Variants in MTHFSD observed in about 807,000 individuals in gnomAD.
MTHFSD encodes methenyltetrahydrofolate synthetase domain containing.
In MTHFSD, 37 loss-of-function variants were observed where a neutral mutation model predicts 31.1. That is an observed-to-expected ratio of 1.19 (90% CI 0.91 to 1.56). The LOEUF (loss-of-function observed/expected upper bound fraction) is 1.56, where lower values mean the gene tolerates loss of function less well. Among genes scored for constraint, MTHFSD ranks in the 40% most tolerant of loss-of-function variants. The pLI, the probability that MTHFSD is intolerant of heterozygous loss-of-function variation, is 0.00. For synonymous variants in MTHFSD, 221 were observed against 206.9 expected (o/e 1.07, Z -0.59); for missense variants, 664 against 510.1 (o/e 1.30, Z -2.91).
intron 3 of MTHFSD, among the ~76,000 whole-genome samples, chr16:86,551,709 T>A (rs1973172423): frequency 6.6e-6 from 1 of 152,216 alleles, no homozygotes; most frequent in Admixed American, 6.5e-5. Context: ...CTATTTCAGC[T>A]CCAGCTCCTC....
At chr16:86,548,964 A>G (rs1221518557) in intron 3 of MTHFSD, among the ~76,000 whole-genome samples, 1 of 152,218 alleles carries the variant, frequency 6.6e-6, no homozygotes, top group Non-Finnish European at 1.5e-5. Context: ...CACAGTTACA[A>G]TAATGCTGTC....
intron 7 of MTHFSD, among the ~76,000 whole-genome samples, chr16:86,540,304 C>T (rs187217767): frequency 1.3e-5 from 2 of 152,210 alleles, no homozygotes; most frequent in African/African-American, 2.4e-5. Context: ...CGACAAACAG[C>T]GAAGCCCCCG....
Position 86,535,254 on chromosome 16 carries a change from C to G in MTHFSD, c.682-2773G>C, listed in dbSNP as rs78704013. The G allele has an allele frequency of 5.1e-3, 5,009 of 985,354 alleles. 185 individuals carry two copies. The African/African-American group carries it at 0.079, about 16-fold the overall frequency. 61.0% of individuals were successfully genotyped at this position (985,354 alleles called of 1,614,324 possible). ...GAAGTGTGTTCCACTGCAGGAAAATCGCTCTTTTCATGAGCAGTGTTTGTG... is the reference window on the plus strand; with the variant it reads ...GAAGTGTGTTCCACTGCAGGAAAATGGCTCTTTTCATGAGCAGTGTTTGTG... On this transcript the variant is annotated intron_variant, in intron 7 of 7. Transcript: ENST00000360900.
Position 86,542,301 on chromosome 16 carries a change from A to T in MTHFSD, c.443-88T>A. On this transcript the variant is annotated intron_variant, in intron 5 of 7. Transcript: ENST00000360900. The surrounding 1 kb of genome is among the most constrained non-coding windows in gnomAD (Gnocchi z 4.6). ...TCCATCAGGTCCAGTGGAAGAAGAA[A>T]CTTGAACCCAATATCCCGAGCTAAT... 8.9e-7 allele frequency: 1 copy of T among 1,120,732 alleles called. No homozygotes were observed. The highest frequency in any genetic ancestry group is 1.3e-6 in the Non-Finnish European group (1 of 779,094). 69.4% of individuals were successfully genotyped at this position (1,120,732 alleles called of 1,614,324 possible). A position where few individuals can be genotyped will look rare whatever the true frequency, so the allele number is the denominator to read the frequency against.
At chr16:86,550,182 T>C (rs1035305083) in intron 3 of MTHFSD, among the ~76,000 whole-genome samples, 3 of 152,252 alleles carry the variant, frequency 2.0e-5, no homozygotes, top group African/African-American at 7.2e-5. Context: ...TCCCAGCTGA[T>C]CCTTAAGTCC....
chr16:86,534,402 A>C (rs1446283619), intron 7 of MTHFSD, among the ~76,000 whole-genome samples: 1 of 152,170 alleles, frequency 6.6e-6, no homozygotes, highest in African/African-American at 2.4e-5. Flanking sequence ...TTCAAAACAG[A>C]TTTCTGCCGC....
In MTHFSD at chr16:86,542,969, C is replaced by T. The variant is rs1222707141; in HGVS notation, c.443-756G>A. Among the ~76,000 whole-genome samples the T allele has an allele frequency of 1.3e-5, 2 of 152,222 alleles. No homozygotes were observed. Among genetic ancestry groups the T allele is most frequent in the Non-Finnish European group, 1.5e-5 (1 of 68,036 alleles). On this transcript the variant is annotated intron_variant, in intron 5 of 7. Coordinates refer to ENST00000360900, the MANE Select transcript of MTHFSD (RefSeq NM_001159377.2). The surrounding 1 kb of genome is among the most constrained non-coding windows in gnomAD (Gnocchi z 4.6). ...TGAGGCCAGCGAGTGCCACCAGCAG[C>T]ATCACCCGCAGAGCACCCGCATCAC... is the stretch of plus-strand genomic sequence containing the variant.
chr16:86,555,148 G>C (rs1314839914), intron 1 of MTHFSD, 21 bp downstream of exon 1: 3 of 1,534,462 alleles, frequency 2.0e-6, no homozygotes, highest in African/African-American at 2.7e-5. Context: ...AGCCGCCCCG[G>C]AGCCCCGCCA....
chr16:86,553,392 C>A (rs928395191), intron 2 of MTHFSD: 1 of 152,646 alleles, frequency 6.6e-6, no homozygotes, highest in Non-Finnish European at 1.5e-5. Context: ...CTGGACTGGC[C>A]CAGGCCGGCT....
intron 7 of MTHFSD, among the ~76,000 whole-genome samples, chr16:86,538,700 G>A (rs1332160838): frequency 6.6e-6 from 1 of 152,224 alleles, no homozygotes; most frequent in African/African-American, 2.4e-5. Flanking sequence ...AAGATCAATG[G>A]AGCTGGACGA....
At chr16:86,547,623 G>T in intron 4 of MTHFSD, 1 of 906,684 alleles carries the variant, frequency 1.1e-6, no homozygotes, top group Non-Finnish European at 1.3e-6. Flanking sequence ...CCATGCTTTC[G>T]TCTCAGTTTT....
In MTHFSD at chr16:86,547,080, G is replaced by A. The variant is rs115530382; in HGVS notation, c.352-431C>T. 1.1e-3 allele frequency: 916 copies of A among 811,102 alleles called. 16 individuals are homozygous for A. In the African/African-American group the frequency reaches 0.016, roughly 14 times the overall value. 50.2% of individuals were successfully genotyped at this position (811,102 alleles called of 1,614,324 possible). On this transcript the variant is annotated intron_variant, in intron 4 of 7. Coordinates refer to ENST00000360900, the MANE Select transcript of MTHFSD (RefSeq NM_001159377.2). ...AGACAGGGACACCACCCTCTGCCTC[G>A]TCGGACCAGTGTTGGAATTAAATAA...
At chr16:86,537,085 C>T (rs909883088) in intron 7 of MTHFSD, among the ~76,000 whole-genome samples, 2 of 152,120 alleles carry the variant, frequency 1.3e-5, no homozygotes, top group South Asian at 2.1e-4. Context: ...TGCACCCGGG[C>T]GCAATGTCTA....
chr16:86,541,928 A>T (rs1181789540), intron 6 of MTHFSD, 106 bp from the exon 7 acceptor site: 1 of 1,491,448 alleles, frequency 6.7e-7, no homozygotes, highest in African/African-American at 1.4e-5. Context: ...AGCACCCCCA[A>T]ATCCACTCTG....
At chr16:86,536,363 C>T (rs767836490) in intron 7 of MTHFSD, among the ~76,000 whole-genome samples, 47 of 152,358 alleles carry the variant, frequency 3.1e-4, no homozygotes, top group Non-Finnish European at 6.3e-4. Flanking sequence ...TAAACATAAA[C>T]GCCAGGCAGG....
At chr16:86,554,958 C>T (rs1226638835) in intron 1 of MTHFSD, 28 of 1,289,758 alleles carry the variant, frequency 2.2e-5, no homozygotes, top group Non-Finnish European at 2.9e-5. Flanking sequence ...TTCTCGTTAT[C>T]TTTATTTTTC....
chr16:86,547,562 T>C, intron 4 of MTHFSD: 1 of 988,236 alleles, frequency 1.0e-6, no homozygotes, highest in Non-Finnish European at 1.2e-6. Context: ...GGGCAGGCAC[T>C]GACCAACTGC....
chr16:86,534,385 G>A (rs141323934), intron 7 of MTHFSD, among the ~76,000 whole-genome samples: 4 of 152,268 alleles, frequency 2.6e-5, no homozygotes, highest in East Asian at 3.9e-4. Context: ...TCTTTCCCAC[G>A]GCATGTTTCA....
chr16:86,541,056 A>T, intron 7 of MTHFSD: 1 of 1,231,474 alleles, frequency 8.1e-7, no homozygotes, highest in Non-Finnish European at 1.0e-6. Context: ...TTATTTGACC[A>T]GTAGTTTTGT....
Sources: allele counts gnomAD v4.1 joint callset (sites outside exome capture counted in the v4.1 genomes callset), GRCh38; gene constraint gnomAD v4.1.1; non-coding constraint Gnocchi (gnomAD v3.1); transcripts MANE v1.5; gene names NCBI Gene and HGNC (gene_info 2026-07-23, HGNC 2026-07-21).